The following PHF23 variants were observed in gnomAD, a reference collection of about 807,000 sequenced individuals.
PHF23 encodes the protein PDH-containing protein JUNE-1.
A neutral mutation model predicts 36.0 loss-of-function variants in PHF23; 3 were observed. The observed-to-expected ratio is 0.08, with a 90% CI of 0.04 to 0.22. The LOEUF (loss-of-function observed/expected upper bound fraction) is 0.22, where lower values mean the gene tolerates loss of function less well. Among genes scored for constraint, PHF23 ranks in the 10% least tolerant of loss-of-function variants. The pLI, the probability that PHF23 is intolerant of heterozygous loss-of-function variation, is 1.00. For missense variants in PHF23, 475 were observed against 513.6 expected (o/e 0.92, Z 0.73); for synonymous variants, 242 against 192.5 (o/e 1.26, Z -2.13).
chr17:7,239,883 G>T (rs1382409286), upstream of PHF23: 2 of 152,346 alleles, frequency 1.3e-5, no homozygotes, highest in Non-Finnish European at 2.9e-5. Flanking sequence ...CTTCCGGCCT[G>T]CCGGAGAAAT....
rs2142996090 is a variant in PHF23 at position 7,236,596 on chromosome 17, G to A, written c.331C>T (p.Pro111Ser). The A allele has an allele frequency of 1.2e-6, 2 of 1,614,204 alleles. No individual in the cohort carries two copies. Among genetic ancestry groups the A allele is most frequent in the Non-Finnish European group, 1.7e-6 (2 of 1,180,028 alleles). ...AAQAGPTQPG[P>S]PRSTFSRLQA... ...AGACGAGAGAAAGTGGACCTTGGGG[G>A]TCCTGGCTGGGTGGGACCTGCTTGA... Residue 111 changes from proline to serine, a missense_variant, in exon 4 of 5, where the codon CCC becomes TCC. Transcript: ENST00000320316. This position sits in a 1 kb window ranked among gnomAD's most constrained non-coding sequence, Gnocchi z 5.1.
At chr17:7,239,155 G>T in intron 1 of PHF23, 91 bp downstream of exon 1, 1 of 1,047,434 alleles carries the variant, frequency 9.5e-7, no homozygotes, top group Non-Finnish European at 1.4e-6. Flanking sequence ...GAACTCCCCC[G>T]CTGGGCTCCG....
rs374082044 is a variant in PHF23 at position 7,236,043 on chromosome 17, G to C, written c.884C>G (p.Pro295Arg). 1 of 1,613,912 alleles carries C rather than the reference G, an allele frequency of 6.2e-7. No homozygotes were observed. Among genetic ancestry groups the C allele is most frequent in the African/African-American group, 1.3e-5 (1 of 74,934 alleles). ...CACCTCCTTGCTTTCACTGTCAGCAGGAGGGACTCCTTCAGGGTGCACTGT... is the reference window on the plus strand; with the variant it reads ...CACCTCCTTGCTTTCACTGTCAGCACGAGGGACTCCTTCAGGGTGCACTGT... ...PATVHPEGVP[P>R]ADSESKEVGS... The change falls in exon 4 of 5, where the codon CCT (proline) becomes CGT (arginine). Residue 295 changes from proline to arginine, a missense_variant. By Grantham distance (103) the Pro-to-Arg change is moderately radical. Coordinates refer to ENST00000320316, the MANE Select transcript of PHF23 (RefSeq NM_024297.3). This position sits in a 1 kb window ranked among gnomAD's most constrained non-coding sequence, Gnocchi z 5.1.
Position 7,239,296 on chromosome 17 carries a change from C to T in PHF23, c.-17G>A. The T allele has an allele frequency of 7.4e-7, 1 of 1,360,458 alleles. No individual in the cohort carries two copies. The highest frequency in any genetic ancestry group is 1.0e-6 in the Non-Finnish European group (1 of 966,308). The allele number at this position is 1,360,458 out of a possible 1,614,324, so 84.3% of individuals were successfully genotyped here. On this transcript the variant is annotated 5_prime_UTR_variant, in exon 1 of 5. Coordinates refer to ENST00000320316, the MANE Select transcript of PHF23 (RefSeq NM_024297.3). ...TTCCAGCATCGCCCCCTCCCCTCCT[C>T]CCGGTCCGGCGCCCCCCTCCCCGGA...
At position 7,236,284 on chromosome 17, in the gene PHF23, T is replaced by C. The variant is rs2071662865; in HGVS notation, c.643A>G (p.Ile215Val). Reference protein sequence around the residue: ...TPGDGEKRSRIKKSKKRKLKK... With the variant: ...TPGDGEKRSRVKKSKKRKLKK... ...AACTTCCGCTTCTTGCTCTTCTTGA[T>C]TCGAGATCTCTTTTCCCCATCCCCA... The change falls in exon 4 of 5, where the codon ATC (isoleucine) becomes GTC (valine). Residue 215 changes from isoleucine to valine, a missense_variant. Around this residue, in one of 5 missense-constraint regions of PHF23, gnomAD observed 350 missense variants for 319.8 expected, o/e 1.09. Transcript: ENST00000320316. This position sits in a 1 kb window ranked among gnomAD's most constrained non-coding sequence, Gnocchi z 5.1. The C allele has an allele frequency of 1.1e-5, 18 of 1,613,822 alleles. No individual in the cohort carries two copies. Among genetic ancestry groups the C allele is most frequent in the East Asian group, 2.2e-5 (1 of 44,884 alleles).
In PHF23 at chr17:7,237,433, G is replaced by A. The variant is rs1052923645; in HGVS notation, c.111C>T (p.Phe37=). 1.2e-6 allele frequency: 2 copies of A among 1,614,128 alleles called. No individual in the cohort carries two copies. The highest frequency in any genetic ancestry group is 1.7e-6 in the Non-Finnish European group (2 of 1,180,006). Residue 37 remains phenylalanine (F), a synonymous_variant, in exon 3 of 5, where the codon TTC becomes TTT. Coordinates refer to ENST00000320316, the MANE Select transcript of PHF23 (RefSeq NM_024297.3). ...CAGCATATGCCAAAACAAAACTGCA[G>A]AATTTGTTGAAATCCTCAATTGTTC... ...RRRTIEDFNK[F]CSFVLAYAGY... is the part of the protein sequence containing the mutation.
intron 1 of PHF23, chr17:7,238,966 C>A: frequency 2.0e-6 from 3 of 1,484,990 alleles, no homozygotes; most frequent in Non-Finnish European, 2.7e-6. Context: ...GGGCCCCAAT[C>A]TGCCGGTGGC....
chr17:7,238,714 A>AC (rs1292350416), intron 1 of PHF23: 8 of 1,340,120 alleles, frequency 6.0e-6, no homozygotes, highest in Middle Eastern at 1.9e-4. Context: ...CTCCACAACT[A>AC]CCCCCCGGTA....
intron 1 of PHF23, chr17:7,238,911 T>A: frequency 6.6e-7 from 1 of 1,526,508 alleles, no homozygotes. Context: ...TCCTCCCTCC[T>A]GAGCAACTCT....
intron 1 of PHF23, chr17:7,238,646 C>G (rs1163223190): frequency 2.9e-6 from 2 of 679,214 alleles, no homozygotes; most frequent in African/African-American, 3.7e-5. Context: ...TAACCCCCCC[C>G]ACCCCGCCCC....
At position 7,236,101 on chromosome 17, in the gene PHF23, G is replaced by A. The variant is rs1196087987; in HGVS notation, c.826C>T (p.Pro276Ser). The change falls in exon 4 of 5, where the codon CCA becomes TCA. Residue 276 changes from proline (P) to serine (S), a missense_variant. Around this residue, in one of 5 missense-constraint regions of PHF23, gnomAD observed 350 missense variants for 319.8 expected, o/e 1.09. Coordinates refer to ENST00000320316, the MANE Select transcript of PHF23 (RefSeq NM_024297.3). This position sits in a 1 kb window ranked among gnomAD's most constrained non-coding sequence, Gnocchi z 5.1. ...VGGEAPVPVL[P>S]TPPEAPRPPA... The stretch of plus-strand genomic sequence containing the variant: ...GGCCTAGGAGCCTCAGGGGGTGTTG[G>A]CAGCACAGGGACTGGGGCTTCACCC... The A allele has an allele frequency of 6.2e-6, 10 of 1,612,544 alleles. No individual in the cohort carries two copies. The highest frequency in any genetic ancestry group is 7.6e-6 in the Non-Finnish European group (9 of 1,179,358).
Position 7,236,741 on chromosome 17 carries a change from G to A in PHF23, c.186C>T (p.Ser62=), listed in dbSNP as rs529299948. Residue 62 remains serine, a synonymous_variant, in exon 4 of 5, where the codon TCC becomes TCT. Coordinates refer to ENST00000320316, the MANE Select transcript of PHF23 (RefSeq NM_024297.3). This position sits in a 1 kb window ranked among gnomAD's most constrained non-coding sequence, Gnocchi z 5.1. ...KEESDWPASG[S]SSPLRGESAA... ...CACTCTCTCCTCGCAATGGAGAGCT[G>A]GAGCCAGAGGCTGGCCAGTCACTTT... The A allele has an allele frequency of 4.0e-5, 64 of 1,612,906 alleles. 1 individual carries two copies. In the South Asian group the frequency reaches 6.3e-4, roughly 16 times the overall value.
rs72126071 is a variant in PHF23 at position 7,235,108 on chromosome 17, CAA to C, written c.*516_*517del. ...AAACAGCGGCCGATATTATTAAAAA[CAA>C]AAGAGGTGAGTGAGAATCGTCACCT... On this transcript the variant is annotated 3_prime_UTR_variant, in exon 5 of 5. Coordinates refer to ENST00000320316, the MANE Select transcript of PHF23 (RefSeq NM_024297.3). 982 of 174,986 alleles carry C rather than the reference CAA, an allele frequency of 5.6e-3. 10 individuals are homozygous for C. Among genetic ancestry groups the C allele is most frequent in the African/African-American group, 0.022 (904 of 41,912 alleles). 10.8% of individuals were successfully genotyped at this position (174,986 alleles called of 1,614,324 possible). A position where few individuals can be genotyped will look rare whatever the true frequency, so the allele number is the denominator to read the frequency against.
chr17:7,240,780 G>A, upstream of PHF23: 1 of 936,254 alleles, frequency 1.1e-6, no homozygotes, highest in Non-Finnish European at 1.8e-6. Context: ...GCTTGAAGGA[G>A]GAGGAGGTCA....
chr17:7,237,220 C>T (rs2071686617), intron 3 of PHF23, among the ~76,000 whole-genome samples, 165 bp downstream of exon 3: 1 of 152,152 alleles, frequency 6.6e-6, no homozygotes, highest in Non-Finnish European at 1.5e-5. Flanking sequence ...ATCCACTCCC[C>T]GCATACCAGC....
intron 1 of PHF23, 110 bp from the exon 2 acceptor site, chr17:7,237,770 G>C (rs550747901): frequency 9.3e-6 from 12 of 1,295,428 alleles, no homozygotes; most frequent in Non-Finnish European, 1.3e-5. Flanking sequence ...AGGTCCCTCT[G>C]CCAGGCCAGC....
upstream of PHF23, chr17:7,240,554 G>T (rs1450113076): frequency 3.3e-6 from 1 of 302,216 alleles, no homozygotes; most frequent in Non-Finnish European, 6.3e-6. Flanking sequence ...TGGGCAGTCA[G>T]AAAGGGAACA....
In PHF23 at chr17:7,236,518, G is replaced by C; in HGVS notation, c.409C>G (p.Leu137Val). 4.3e-6 allele frequency: 7 copies of C among 1,614,174 alleles called. No individual in the cohort carries two copies. Among genetic ancestry groups the C allele is most frequent in the South Asian group, 1.1e-5 (1 of 91,088 alleles). The change falls in exon 4 of 5, where the codon CTC (leucine) becomes GTC (valine). Residue 137 changes from leucine (L) to valine (V), a missense_variant. This residue lies in a region of PHF23 where 350 missense variants were observed against 319.8 expected (regional missense o/e 1.09). Coordinates refer to ENST00000320316, the MANE Select transcript of PHF23 (RefSeq NM_024297.3). The surrounding 1 kb of genome is among the most constrained non-coding windows in gnomAD (Gnocchi z 5.1). ...ACTTTGGGCCCATCCAGATCAAAGA[G>C]AGAGTCCTTGAGCTTCATCTTCTCA... ...LLEKMKLKDS[L>V]FDLDGPKVAS...
chr17:7,236,486 A>C lies in PHF23; in HGVS notation c.441T>G (p.Ser147=), dbSNP rs781351653. ...GTGTCAGGGATGTGGGGGACAAAGG[A>C]GATGCCACTTTGGGCCCATCCAGAT... The part of the protein sequence containing the change: ...LFDLDGPKVA[S]PLSPTSLTHT... Residue 147 remains serine (S), a synonymous_variant, in exon 4 of 5, where the codon TCT becomes TCG. Transcript: ENST00000320316. The surrounding 1 kb of genome is among the most constrained non-coding windows in gnomAD (Gnocchi z 5.1). 6.2e-7 allele frequency: 1 copy of C among 1,613,978 alleles called. No homozygotes were observed. Among genetic ancestry groups the C allele is most frequent in the South Asian group, 1.1e-5 (1 of 91,080 alleles).
Sources: allele counts gnomAD v4.1 joint callset (sites outside exome capture counted in the v4.1 genomes callset), GRCh38; gene constraint gnomAD v4.1.1; regional missense constraint gnomAD v4.1.1; non-coding constraint Gnocchi (gnomAD v3.1); transcripts MANE v1.5; gene names NCBI Gene and HGNC (gene_info 2026-07-23, HGNC 2026-07-21).